The following KDM1A variants were observed in gnomAD, a reference collection of about 807,000 sequenced individuals.
KDM1A encodes lysine-specific histone demethylase 1A.
A neutral mutation model predicts 109.4 loss-of-function variants in KDM1A; 49 were observed. The ratio of observed to expected loss-of-function variants is 0.45; its 90% CI spans 0.36 to 0.57. KDM1A has a LOEUF of 0.57. KDM1A is among the 20% of genes least tolerant of loss of function. KDM1A has a pLI of 0.00. For synonymous variants in KDM1A, 380 were observed against 415.4 expected, an observed-to-expected ratio of 0.91 and a Z score of 1.04; for missense variants, 668 against 1,116.6, an observed-to-expected ratio of 0.60 and a Z score of 5.73.
chr1:23,066,762 G>A (rs1244372612), intron 10 of KDM1A, among the ~76,000 whole-genome samples: 3 of 152,184 alleles, frequency 2.0e-5, no homozygotes, highest in African/African-American at 2.4e-5. Context: ...ACATTGAAAT[G>A]TAATTGTTTC....
At chr1:23,042,440 A>ATTATT (rs1553127465) in intron 2 of KDM1A, among the ~76,000 whole-genome samples, 2 of 21,558 alleles carry the variant, frequency 9.3e-5, no homozygotes, top group South Asian at 1.3e-3. Context: ...GAAATATATT[A>ATTATT]TTTTTTTTTT....
chr1:23,030,649 C>T lies in KDM1A; in HGVS notation c.517+15C>T, dbSNP rs1641954373. ...AGAACCATCGGGTGAGTTGTAGTAT[C>T]CAACCACAGTTCTGTTTTATCTTAG... On this transcript the variant is annotated intron_variant, in intron 2 of 20. Coordinates refer to ENST00000400181, the MANE Select transcript of KDM1A (RefSeq NM_001009999.3). 6.6e-7 allele frequency: 1 copy of T among 1,516,052 alleles called. No homozygotes were observed. 93.9% of individuals were successfully genotyped at this position (1,516,052 alleles called of 1,614,324 possible).
intron 9 of KDM1A, among the ~76,000 whole-genome samples, chr1:23,063,204 G>GGGGT (rs1553130173): frequency 1.2e-5 from 1 of 80,566 alleles, no homozygotes; most frequent in Non-Finnish European, 2.7e-5. Context: ...ATTGGGGGGG[G>GGGGT]GGTGTGGTGT....
At chr1:23,045,600 T>TCCATG (rs1642480173) in intron 3 of KDM1A, among the ~76,000 whole-genome samples, 1 of 152,176 alleles carries the variant, frequency 6.6e-6, no homozygotes, top group Admixed American at 6.5e-5. Flanking sequence ...ATGGAACTGT[T>TCCATG]GAAGATCAGG....
At chr1:23,073,671 G>A (rs1464157618) in intron 15 of KDM1A, among the ~76,000 whole-genome samples, 3 of 152,106 alleles carry the variant, frequency 2.0e-5, no homozygotes, top group Admixed American at 2.0e-4. Flanking sequence ...TCTGGCTCCT[G>A]GCCCTGGACA....
At chr1:23,073,171 T>G (rs2124522615) in intron 14 of KDM1A, 121 bp from the exon 15 acceptor site, 2 of 583,236 alleles carry the variant, frequency 3.4e-6, no homozygotes, top group South Asian at 5.1e-5. Flanking sequence ...TGATTTGTAA[T>G]TTCTTCATAT....
At chr1:23,045,423 A>T (rs1276369399) in intron 3 of KDM1A, among the ~76,000 whole-genome samples, 1 of 152,224 alleles carries the variant, frequency 6.6e-6, no homozygotes, top group African/African-American at 2.4e-5. Flanking sequence ...TAATAAGGGG[A>T]TCCAGAATGT....
chr1:23,052,385 G>C (rs1482246636), intron 4 of KDM1A, among the ~76,000 whole-genome samples: 1 of 152,180 alleles, frequency 6.6e-6, no homozygotes, highest in African/African-American at 2.4e-5. Context: ...GTGTGTACTT[G>C]AGGAAATCCA....
At chr1:23,039,134 G>A in intron 2 of KDM1A, among the ~76,000 whole-genome samples, 1 of 152,094 alleles carries the variant, frequency 6.6e-6, no homozygotes. Flanking sequence ...TCTTACTTCT[G>A]AGTTCTATTG....
Position 23,019,567 on chromosome 1 carries a change from C to G in KDM1A, c.-30C>G, listed in dbSNP as rs1569593279. ...CACGGAGCGACAGAGCGAGCGGCCC[C>G]TACGGCCGTCGGCGGCCCGGCGGCC... is the stretch of plus-strand genomic sequence containing the variant. On this transcript the variant is annotated 5_prime_UTR_variant, in exon 1 of 21. Coordinates refer to ENST00000400181, the MANE Select transcript of KDM1A (RefSeq NM_001009999.3). 2.9e-6 allele frequency: 4 copies of G among 1,395,260 alleles called. No homozygotes were observed. Among genetic ancestry groups the G allele is most frequent in the South Asian group, 1.7e-5 (1 of 58,904 alleles). The allele number at this position is 1,395,260 out of a possible 1,614,324, so 86.4% of individuals were successfully genotyped here.
chr1:23,072,925 C>G (rs995143563), intron 14 of KDM1A, among the ~76,000 whole-genome samples: 1 of 152,216 alleles, frequency 6.6e-6, no homozygotes, highest in African/African-American at 2.4e-5. Flanking sequence ...CAGGCATGAG[C>G]CACAGCATCC....
intron 15 of KDM1A, among the ~76,000 whole-genome samples, chr1:23,076,697 C>T (rs1321417291): frequency 1.3e-5 from 2 of 152,202 alleles, no homozygotes; most frequent in East Asian, 1.9e-4. Flanking sequence ...GAAGGCCGAG[C>T]GTGGTGGCTC....
At position 23,056,058 on chromosome 1, in the gene KDM1A, T is replaced by C; in HGVS notation, c.990+20T>C. On this transcript the variant is annotated intron_variant, in intron 7 of 20. Coordinates refer to ENST00000400181, the MANE Select transcript of KDM1A (RefSeq NM_001009999.3). Reference sequence around the variant, plus strand: ...GCCAGGGTAAGAATTTCATTTTGAGTTTAGAGGCTTGACCTATTGGAAATA... The same window carrying C: ...GCCAGGGTAAGAATTTCATTTTGAGCTTAGAGGCTTGACCTATTGGAAATA... 3.3e-6 allele frequency: 5 copies of C among 1,511,798 alleles called. No homozygotes were observed. Among genetic ancestry groups the C allele is most frequent in the Non-Finnish European group, 4.6e-6 (5 of 1,087,536 alleles). The allele number at this position is 1,511,798 out of a possible 1,614,324, so 93.6% of individuals were successfully genotyped here.
chr1:23,079,778 A>G lies in KDM1A; in HGVS notation c.2170+111A>G, dbSNP rs747072120. 185 of 614,612 alleles carry G rather than the reference A, an allele frequency of 3.0e-4. 1 individual carries two copies. Among genetic ancestry groups the G allele is most frequent in the Non-Finnish European group, 7.1e-5 (26 of 367,872 alleles). The allele number at this position is 614,612 out of a possible 1,614,324, so 38.1% of individuals were successfully genotyped here. On this transcript the variant is annotated intron_variant, in intron 18 of 20. Transcript: ENST00000400181. This position sits in a 1 kb window ranked among gnomAD's most constrained non-coding sequence, Gnocchi z 5.6. ...CTTAATTTCTCTCTTTATTAACTCAACAAACAATTCCTGAAATACCTTCTA... is the reference window on the plus strand; with the variant it reads ...CTTAATTTCTCTCTTTATTAACTCAGCAAACAATTCCTGAAATACCTTCTA...
intron 13 of KDM1A, 88 bp from the exon 14 acceptor site, chr1:23,072,036 T>C (rs2124519209): frequency 3.8e-6 from 3 of 780,474 alleles, no homozygotes; most frequent in East Asian, 5.4e-5. Flanking sequence ...AGAGGAAATA[T>C]GATCCAGACC....
At chr1:23,048,138 A>T (rs544828037) in intron 3 of KDM1A, among the ~76,000 whole-genome samples, 8 of 152,170 alleles carry the variant, frequency 5.3e-5, no homozygotes. Context: ...GTATATACTT[A>T]TGAATTATAC....
At chr1:23,034,719 A>G (rs1642091134) in intron 2 of KDM1A, among the ~76,000 whole-genome samples, 1 of 152,190 alleles carries the variant, frequency 6.6e-6, no homozygotes, top group Non-Finnish European at 1.5e-5. Context: ...TGTATTGGGT[A>G]ACTTTTCACT....
chr1:23,019,823 A>C lies in KDM1A; in HGVS notation c.227A>C (p.Glu76Ala). Reference protein sequence around the residue: ...PRASPPGGLAEPPGSAGPQAG... With the variant: ...PRASPPGGLAAPPGSAGPQAG... The stretch of plus-strand genomic sequence containing the variant: ...GCCTCGCCCCCCGGGGGCCTGGCGG[A>C]ACCGCCGGGGTCCGCAGGGCCTCAG... The change falls in exon 1 of 21, where the codon GAA becomes GCA. Residue 76 changes from glutamate (E) to alanine (A), a missense_variant. Physicochemically the swap from Glu to Ala is moderately radical, Grantham distance 107 (BLOSUM62 -1). Around this residue, in one of 8 missense-constraint regions of KDM1A, gnomAD observed 156 missense variants for 163.4 expected, o/e 0.95. Transcript: ENST00000400181. 7.0e-7 allele frequency: 1 copy of C among 1,426,472 alleles called. No individual in the cohort carries two copies. Among genetic ancestry groups the C allele is most frequent in the Non-Finnish European group, 9.2e-7 (1 of 1,091,650 alleles). The allele number at this position is 1,426,472 out of a possible 1,614,324, so 88.4% of individuals were successfully genotyped here. A position where few individuals can be genotyped will look rare whatever the true frequency, so the allele number is the denominator to read the frequency against.
At chr1:23,062,418 T>C (rs1333101400) in intron 9 of KDM1A, among the ~76,000 whole-genome samples, 1 of 152,206 alleles carries the variant, frequency 6.6e-6, no homozygotes, top group Non-Finnish European at 1.5e-5. Context: ...TTCTCCATGC[T>C]TTGTGGACAG....
Sources: allele counts gnomAD v4.1 joint callset (sites outside exome capture counted in the v4.1 genomes callset), GRCh38; gene constraint gnomAD v4.1.1; regional missense constraint gnomAD v4.1.1; non-coding constraint Gnocchi (gnomAD v3.1); transcripts MANE v1.5; gene names NCBI Gene and HGNC (gene_info 2026-07-23, HGNC 2026-07-21).